WDHD1: variants seen among roughly 807,000 people sequenced by gnomAD.
WDHD1 encodes the protein WD repeat and HMG-box DNA binding protein 1, also known as WD repeat and HMG-box DNA-binding protein 1.
A neutral mutation model predicts 135.4 loss-of-function variants in WDHD1; 111 were observed. The observed-to-expected ratio is 0.82, with a 90% confidence interval of 0.70 to 0.96. The LOEUF (loss-of-function observed/expected upper bound fraction) is 0.96, where lower values mean the gene tolerates loss of function less well. WDHD1 is among the 40% of genes least tolerant of loss of function. The pLI, the probability that WDHD1 is intolerant of heterozygous loss-of-function variation, is 0.00. For missense variants in WDHD1, 1,351 were observed against 1,336.3 expected (o/e 1.01, Z -0.17); for synonymous variants, 434 against 439.0 (o/e 0.99, Z 0.14).
rs372085120 is a variant in WDHD1, at chr14:54,941,686, C to T, written c.3194G>A (p.Trp1065Ter). ...CGTTTCTCCTTTGGCTTTGTTAGCC[C>T]ACACCTTTGTAAAATGGCAGGAGTG... ...RVLSTEERKVWANKAKGETAS... is the reference protein window; with the variant it reads ...RVLSTEERKV Residue 1065 changes from tryptophan to a stop codon, truncating the protein, a stop_gained, in exon 26 of 26, where the codon TGG becomes TAG. Coordinates refer to ENST00000360586, the MANE Select transcript of WDHD1 (RefSeq NM_007086.4). LOFTEE classifies it high-confidence loss of function. 6.2e-7 allele frequency: 1 copy of T among 1,608,242 alleles called. No homozygotes were observed. The highest frequency in any genetic ancestry group is 1.3e-5 in the African/African-American group (1 of 74,560).
chr14:55,004,467 T>C, intron 7 of WDHD1, among the ~76,000 whole-genome samples: 1 of 152,238 alleles, frequency 6.6e-6, no homozygotes, highest in East Asian at 1.9e-4. Context: ...TATTTTCTTT[T>C]TTTGAGATAG....
At position 55,000,532 on chromosome 14, in the gene WDHD1, C is replaced by T; in HGVS notation, c.913G>A (p.Asp305Asn). The T allele has an allele frequency of 6.2e-7, 1 of 1,605,080 alleles. No homozygotes were observed. Among genetic ancestry groups the T allele is most frequent in the Non-Finnish European group, 8.5e-7 (1 of 1,175,404 alleles). Reference protein sequence around the residue: ...GNLGLLENVCDPSGKTSSSKV... With the variant: ...GNLGLLENVCNPSGKTSSSKV... Reference sequence around the variant, plus strand: ...CTGCTTGATGTCTTTCCACTGGGGTCACAAACATTCTCTAGAAGCCCTAGA... The same window carrying T: ...CTGCTTGATGTCTTTCCACTGGGGTTACAAACATTCTCTAGAAGCCCTAGA... Residue 305 changes from aspartate to asparagine, a missense_variant, in exon 10 of 26, where the codon GAC becomes AAC. This residue lies in a region of WDHD1 where 1,330 missense variants were observed against 1,296.1 expected (regional missense o/e 1.03). Coordinates refer to ENST00000360586, the MANE Select transcript of WDHD1 (RefSeq NM_007086.4).
intron 16 of WDHD1, among the ~76,000 whole-genome samples, chr14:54,968,813 G>T (rs2041385280): frequency 6.6e-6 from 1 of 152,128 alleles, no homozygotes; most frequent in African/African-American, 2.4e-5. Context: ...GGCAAAGGTG[G>T]GAGAATCACT....
intron 2 of WDHD1, among the ~76,000 whole-genome samples, chr14:55,016,105 T>C (rs577378310): frequency 1.3e-5 from 2 of 152,220 alleles, no homozygotes; most frequent in Non-Finnish European, 2.9e-5. Flanking sequence ...ATAGTAGAAT[T>C]AATAAGAAAT....
intron 16 of WDHD1, among the ~76,000 whole-genome samples, chr14:54,981,170 T>G (rs961149147): frequency 8.1e-5 from 12 of 148,818 alleles, no homozygotes; most frequent in Non-Finnish European, 3.0e-5. Context: ...GCAGCTTAAT[T>G]GTATATTTCA....
At chr14:54,946,412 G>T (rs2040925943) in intron 24 of WDHD1, among the ~76,000 whole-genome samples, 1 of 152,230 alleles carries the variant, frequency 6.6e-6, no homozygotes, top group South Asian at 2.1e-4. Flanking sequence ...TTCAATAGTG[G>T]TAATTCCTTA....
intron 24 of WDHD1, among the ~76,000 whole-genome samples, chr14:54,954,114 A>T (rs1050533499): frequency 1.5e-4 from 16 of 107,760 alleles, no homozygotes; most frequent in Non-Finnish European, 1.8e-4. Context: ...AAAAGTATTT[A>T]AAAAAAAAAA....
At chr14:55,004,320 T>C (rs2042027742) in intron 7 of WDHD1, among the ~76,000 whole-genome samples, 1 of 152,270 alleles carries the variant, frequency 6.6e-6, no homozygotes, top group South Asian at 2.1e-4. Flanking sequence ...TATGTGTCTA[T>C]TCATAACTCA....
At chr14:54,995,309 T>C (rs116121327) in intron 11 of WDHD1, among the ~76,000 whole-genome samples, 3,010 of 152,268 alleles carry the variant, frequency 0.02, 74 homozygotes, top group African/African-American at 0.06. Context: ...AACCAGCTTT[T>C]GGTCTCATTG....
rs747686438 is a variant in WDHD1, at chr14:54,995,586, C to T, written c.1153+17G>A. On this transcript the variant is annotated intron_variant, in intron 11 of 25. Transcript: ENST00000360586. ...TTAATCAACAGGGTAATCACATGCA[C>T]AAAGTCAAATTCTTACCAACTGAGT... 17 of 1,563,176 alleles carry T rather than the reference C, an allele frequency of 1.1e-5. No homozygotes were observed. The highest frequency in any genetic ancestry group is 2.7e-5 in the African/African-American group (2 of 72,816).
chr14:55,014,495 C>T (rs1327061773), intron 2 of WDHD1, among the ~76,000 whole-genome samples: 1 of 152,104 alleles, frequency 6.6e-6, no homozygotes, highest in African/African-American at 2.4e-5. Context: ...TCCCTAGCAC[C>T]AAACAGTCTC....
At chr14:54,987,605 T>C (rs1291320864) in intron 13 of WDHD1, among the ~76,000 whole-genome samples, 1 of 152,148 alleles carries the variant, frequency 6.6e-6, no homozygotes, top group African/African-American at 2.4e-5. Flanking sequence ...TACATATATG[T>C]AAGTTATTAT....
intron 16 of WDHD1, among the ~76,000 whole-genome samples, chr14:54,975,557 A>G (rs915553821): frequency 2.0e-5 from 3 of 152,194 alleles, no homozygotes; most frequent in Admixed American, 6.5e-5. Flanking sequence ...CATGTTGGCC[A>G]GGATAGTCTC....
chr14:54,942,975 A>C (rs1226183428), intron 25 of WDHD1, among the ~76,000 whole-genome samples: 1 of 152,224 alleles, frequency 6.6e-6, no homozygotes, highest in Non-Finnish European at 1.5e-5. Context: ...TAAAATTGTA[A>C]ATGAGGTTCT....
At chr14:55,002,645 A>T (rs1280286183) in intron 7 of WDHD1, among the ~76,000 whole-genome samples, 5 of 152,028 alleles carry the variant, frequency 3.3e-5, no homozygotes, top group Admixed American at 6.6e-5. Flanking sequence ...TTGCTCTGTC[A>T]CCCAGGCTGG....
chr14:54,962,663 C>T, intron 20 of WDHD1, 75 bp downstream of exon 20: 1 of 1,564,378 alleles, frequency 6.4e-7, no homozygotes, highest in Non-Finnish European at 8.8e-7. Context: ...ATTCAATTTC[C>T]CTCAGTTAAG....
At chr14:54,974,748 A>T (rs1378116203) in intron 16 of WDHD1, among the ~76,000 whole-genome samples, 1 of 152,084 alleles carries the variant, frequency 6.6e-6, no homozygotes, top group Non-Finnish European at 1.5e-5. Flanking sequence ...AATCACTTGA[A>T]CCCGGAAGGA....
chr14:54,957,329 T>C, intron 22 of WDHD1, 125 bp from the exon 23 acceptor site: 1 of 1,054,326 alleles, frequency 9.5e-7, no homozygotes, highest in Non-Finnish European at 1.4e-6. Context: ...ACTAAATACA[T>C]TTGGTACAAT....
At chr14:54,952,109 T>C (rs2041067092) in intron 24 of WDHD1, among the ~76,000 whole-genome samples, 2 of 152,122 alleles carry the variant, frequency 1.3e-5, no homozygotes, top group African/African-American at 4.8e-5. Context: ...TCTCACCACT[T>C]CTGTTCAACA....
Sources: allele counts gnomAD v4.1 joint callset (sites outside exome capture counted in the v4.1 genomes callset), GRCh38; gene constraint gnomAD v4.1.1; regional missense constraint gnomAD v4.1.1; transcripts MANE v1.5; gene names NCBI Gene and HGNC (gene_info 2026-07-23, HGNC 2026-07-21).